Variants in FARS2 observed in about 807,000 individuals in gnomAD.
The protein encoded by FARS2 is phenylalanyl-tRNA synthetase 2, mitochondrial.
A neutral mutation model predicts 46.4 loss-of-function variants in FARS2; 40 were observed. The observed-to-expected ratio is 0.86, with a 90% CI of 0.67 to 1.12. FARS2 has a LOEUF of 1.12. Ranked by LOEUF, FARS2 falls within the 50% of genes most tolerant of loss-of-function variation. FARS2 has a pLI of 0.00. For missense variants in FARS2, 513 were observed against 567.9 expected (o/e 0.90, Z 0.98); for synonymous variants, 234 against 214.9 (o/e 1.09, Z -0.78).
intron 5 of FARS2, among the ~76,000 whole-genome samples, chr6:5,580,215 G>A (rs1205384585): frequency 2.0e-5 from 3 of 148,430 alleles, no homozygotes; most frequent in Non-Finnish European, 4.5e-5. Flanking sequence ...GCGTGAACCC[G>A]AGAGATGGAG....
At chr6:5,761,927 C>G (rs1030694737) in intron 6 of FARS2, among the ~76,000 whole-genome samples, 4 of 152,084 alleles carry the variant, frequency 2.6e-5, no homozygotes, top group African/African-American at 7.2e-5. Context: ...ACATGAGACT[C>G]ATTGCAGCCC....
At chr6:5,449,490 C>T (rs764609874) in intron 4 of FARS2, among the ~76,000 whole-genome samples, 34 of 151,838 alleles carry the variant, frequency 2.2e-4, no homozygotes, top group Non-Finnish European at 4.0e-4. Flanking sequence ...TAAATATTCT[C>T]CTGGGTTCCT....
At chr6:5,580,663 T>G (rs1015484799) in intron 5 of FARS2, among the ~76,000 whole-genome samples, 21 of 152,126 alleles carry the variant, frequency 1.4e-4, no homozygotes, top group African/African-American at 5.1e-4. Context: ...GAGATGACTT[T>G]GTGTGCAGGG....
intron 6 of FARS2, among the ~76,000 whole-genome samples, chr6:5,697,079 C>T (rs1354538393): frequency 1.3e-5 from 2 of 151,960 alleles, no homozygotes; most frequent in African/African-American, 4.8e-5. Context: ...TCCATGTATA[C>T]GTTAATACCT....
chr6:5,633,127 CAG>C (rs1387433654), intron 6 of FARS2, among the ~76,000 whole-genome samples: 2 of 151,994 alleles, frequency 1.3e-5, no homozygotes, highest in Non-Finnish European at 2.9e-5. Flanking sequence ...TCCTACCATC[CAG>C]AGAGTTTGTT....
intron 5 of FARS2, among the ~76,000 whole-genome samples, chr6:5,570,950 A>G (rs1208512675): frequency 6.6e-6 from 1 of 152,228 alleles, no homozygotes. Context: ...ATTTCCATTT[A>G]TCATCTCATC....
intron 4 of FARS2, among the ~76,000 whole-genome samples, chr6:5,456,782 A>T (rs1764908074): frequency 6.6e-6 from 1 of 151,022 alleles, no homozygotes; most frequent in East Asian, 2.0e-4. Context: ...GCAGGATTGA[A>T]AAGATTGGAA....
chr6:5,404,604 G>A lies in FARS2; in HGVS notation c.675G>A (p.Ala225=), dbSNP rs370034437. 2.9e-5 allele frequency: 47 copies of A among 1,612,262 alleles called. No homozygotes were observed. The highest frequency in any genetic ancestry group is 2.9e-4 in the East Asian group (13 of 44,858). The change falls in exon 3 of 7, where the codon GCG becomes GCA. Residue 225 remains alanine (A), a synonymous_variant. Transcript: ENST00000274680. ...TCTTTGAACAAAGTTCTCGCTCTGC[G>A]CATAAACAAGAGACACACACCATGG... The part of the protein sequence containing the change: ...LQLFEQSSRS[A]HKQETHTMEA...
chr6:5,659,414 C>T (rs1039558466), intron 6 of FARS2, among the ~76,000 whole-genome samples: 4 of 152,164 alleles, frequency 2.6e-5, no homozygotes, highest in Non-Finnish European at 5.9e-5. Context: ...GCCCTGCCAT[C>T]CCTTGAGGAA....
At chr6:5,384,429 C>G (rs34663578) in intron 2 of FARS2, among the ~76,000 whole-genome samples, 1 of 152,218 alleles carries the variant, frequency 6.6e-6, no homozygotes, top group Admixed American at 6.5e-5. Flanking sequence ...GAGAGCACTG[C>G]GGAGGGCAGC....
At chr6:5,657,399 C>G (rs1582686165) in intron 6 of FARS2, among the ~76,000 whole-genome samples, 1 of 152,272 alleles carries the variant, frequency 6.6e-6, no homozygotes, top group Middle Eastern at 3.4e-3. Context: ...ATTAGATTGA[C>G]CAATCAAGCT....
intron 6 of FARS2, among the ~76,000 whole-genome samples, chr6:5,739,991 A>G (rs1264079027): frequency 6.6e-6 from 1 of 152,226 alleles, no homozygotes; most frequent in African/African-American, 2.4e-5. Flanking sequence ...TATGGCTTAG[A>G]AAAATTAACA....
intron 6 of FARS2, among the ~76,000 whole-genome samples, chr6:5,679,914 C>G (rs185160908): frequency 6.8e-6 from 1 of 145,994 alleles, no homozygotes; most frequent in African/African-American, 2.5e-5. Flanking sequence ...TTTTACTTTC[C>G]GTTTTACTTC....
At chr6:5,641,529 T>G (rs918747527) in intron 6 of FARS2, among the ~76,000 whole-genome samples, 4 of 152,070 alleles carry the variant, frequency 2.6e-5, no homozygotes, top group Admixed American at 6.6e-5. Flanking sequence ...ACCCCTGACC[T>G]CAGGGGATCT....
At chr6:5,620,878 G>A (rs902650317) in intron 6 of FARS2, among the ~76,000 whole-genome samples, 6 of 152,206 alleles carry the variant, frequency 3.9e-5, no homozygotes, top group Admixed American at 1.3e-4. Flanking sequence ...ACAGGCCTCC[G>A]GCCTTCTCCT....
chr6:5,426,280 A>G (rs924760524), intron 3 of FARS2, among the ~76,000 whole-genome samples: 10 of 152,250 alleles, frequency 6.6e-5, no homozygotes, highest in African/African-American at 2.2e-4. Context: ...CTTATGCATA[A>G]TGAATCCATA....
rs192613812 is a variant in FARS2 at position 5,540,675 on chromosome 6, C to G, written c.905-4505C>G. 2.8e-3 allele frequency among the ~76,000 whole-genome samples: 430 copies of G among 152,182 alleles called. 1 individual carries two copies. Among genetic ancestry groups the G allele is most frequent in the African/African-American group, 0.01 (416 of 41,514 alleles). ...TACTGTGTATGACATTGTGTAGGGA[C>G]TGTTTTCTCAGAACTCTCAGGTTTA... is the stretch of plus-strand genomic sequence containing the variant. On this transcript the variant is annotated intron_variant, in intron 4 of 6. Coordinates refer to ENST00000274680, the MANE Select transcript of FARS2 (RefSeq NM_006567.5).
chr6:5,739,028 C>A (rs1431727374), intron 6 of FARS2, among the ~76,000 whole-genome samples: 1 of 152,170 alleles, frequency 6.6e-6, no homozygotes, highest in Non-Finnish European at 1.5e-5. Context: ...GCTCTCCTTA[C>A]CCCCACCATC....
intron 6 of FARS2, among the ~76,000 whole-genome samples, chr6:5,624,520 C>T (rs1775934551): frequency 6.6e-6 from 1 of 152,248 alleles, no homozygotes; most frequent in Admixed American, 6.5e-5. Flanking sequence ...GCTGAAGGAG[C>T]TGTATCTTCA....
Sources: allele counts gnomAD v4.1 joint callset (sites outside exome capture counted in the v4.1 genomes callset), GRCh38; gene constraint gnomAD v4.1.1; transcripts MANE v1.5; gene names NCBI Gene and HGNC (gene_info 2026-07-23, HGNC 2026-07-21).